Variants in RIMBP2 observed in about 807,000 individuals in gnomAD.
The protein encoded by RIMBP2 is RIMS-binding protein 2.
RIMBP2 carries 48 observed loss-of-function variants against 118.6 expected under a neutral mutation model. The observed-to-expected ratio is 0.40, with a 90% CI of 0.32 to 0.51. The LOEUF is 0.51. Among genes scored for constraint, RIMBP2 ranks in the 20% least tolerant of loss-of-function variants. RIMBP2 has a pLI of 0.41. For missense variants in RIMBP2, 1,551 were observed against 1,768.3 expected, an observed-to-expected ratio of 0.88 and a Z score of 2.20; for synonymous variants, 762 against 742.9, an observed-to-expected ratio of 1.03 and a Z score of -0.42.
At chr12:130,657,056 A>G (rs528173030) in intron 1 of RIMBP2, among the ~76,000 whole-genome samples, 1 of 152,134 alleles carries the variant, frequency 6.6e-6, no homozygotes, top group Non-Finnish European at 1.5e-5. Context: ...CACCATGCCT[A>G]CTATTTTTTT....
At chr12:130,444,077 G>C (rs1450699565) in intron 10 of RIMBP2, among the ~76,000 whole-genome samples, 1 of 152,220 alleles carries the variant, frequency 6.6e-6, no homozygotes, top group Non-Finnish European at 1.5e-5. Context: ...TGGGCTCCAT[G>C]TGTGGTGAGA....
chr12:130,449,168 G>A (rs1382529114), intron 9 of RIMBP2, among the ~76,000 whole-genome samples: 2 of 152,232 alleles, frequency 1.3e-5, no homozygotes, highest in Non-Finnish European at 2.9e-5. Flanking sequence ...GAGCATCTGT[G>A]AGACAAAAGG....
intron 1 of RIMBP2, among the ~76,000 whole-genome samples, chr12:130,678,035 C>T (rs1300585433): frequency 2.0e-5 from 3 of 152,214 alleles, no homozygotes; most frequent in African/African-American, 7.2e-5. Flanking sequence ...TTCTTCTTGG[C>T]AGAACAAAGG....
At chr12:130,612,578 G>T (rs2060624104) in intron 2 of RIMBP2, among the ~76,000 whole-genome samples, 1 of 152,166 alleles carries the variant, frequency 6.6e-6, no homozygotes, top group African/African-American at 2.4e-5. Context: ...GGAAAATGGT[G>T]TTTTTTAAAA....
Position 130,422,438 on chromosome 12 carries a change from G to A in RIMBP2, c.3238+15C>T, listed in dbSNP as rs1240180552. 1.3e-6 allele frequency: 2 copies of A among 1,571,892 alleles called. No homozygotes were observed. Among genetic ancestry groups the A allele is most frequent in the Non-Finnish European group, 1.7e-6 (2 of 1,143,592 alleles). ...CGCGGCTGAAAGACACAACAGCGAT[G>A]ATGGGGCCACTAACCGATGGATGGG... On this transcript the variant is annotated intron_variant, in intron 17 of 22. Transcript: ENST00000690449. The surrounding 1 kb of genome is among the most constrained non-coding windows in gnomAD (Gnocchi z 5.2).
chr12:130,521,794 C>T (rs988071118), intron 2 of RIMBP2, among the ~76,000 whole-genome samples: 1 of 152,222 alleles, frequency 6.6e-6, no homozygotes, highest in African/African-American at 2.4e-5. Flanking sequence ...ACCCAGCTTC[C>T]AGATATCTTC....
chr12:130,651,391 G>C (rs545873124), intron 1 of RIMBP2: 2 of 152,290 alleles, frequency 1.3e-5, no homozygotes, highest in Non-Finnish European at 2.9e-5. Flanking sequence ...TCAACATCTC[G>C]GAGTTCTTCC....
intron 12 of RIMBP2, 30 bp downstream of exon 12, chr12:130,438,335 A>ACGGGGGGCCCCCCCCC: frequency 1.2e-6 from 1 of 865,012 alleles, no homozygotes; most frequent in Non-Finnish European, 1.9e-6. Context: ...GGCCTAACAA[A>ACGGGGGGCCCCCCCCC]CCCTCCCCAC....
chr12:130,478,061 T>A (rs2081595702), intron 5 of RIMBP2, among the ~76,000 whole-genome samples: 1 of 152,168 alleles, frequency 6.6e-6, no homozygotes, highest in Admixed American at 6.5e-5. Context: ...CTCCTACCTA[T>A]CTGGAGAGAG....
In RIMBP2 at chr12:130,621,978, C is replaced by T. The variant is rs892225619; in HGVS notation, c.-217+6344G>A. The stretch of plus-strand genomic sequence containing the variant: ...AGTATCAACAGAGCCCATTCCACGT[C>T]GACTTGTCTACTTTAAAAAATAATA... On this transcript the variant is annotated intron_variant, in intron 2 of 22. Transcript: ENST00000690449. This position sits in a 1 kb window ranked among gnomAD's most constrained non-coding sequence, Gnocchi z 6.6. Among the ~76,000 whole-genome samples, 16 of 152,108 alleles carry T rather than the reference C, an allele frequency of 1.1e-4. No individual in the cohort carries two copies. The highest frequency in any genetic ancestry group is 3.4e-4 in the African/African-American group (14 of 41,426).
chr12:130,484,891 T>C (rs984447970), intron 4 of RIMBP2, among the ~76,000 whole-genome samples: 4 of 152,264 alleles, frequency 2.6e-5, no homozygotes, highest in African/African-American at 4.8e-5. Flanking sequence ...CTCCATGTTC[T>C]TCTTTTGGAT....
intron 1 of RIMBP2, among the ~76,000 whole-genome samples, chr12:130,657,613 G>A (rs2063482931): frequency 6.6e-6 from 1 of 152,144 alleles, no homozygotes; most frequent in African/African-American, 2.4e-5. Flanking sequence ...GAAGTGACCC[G>A]CAGAAGGGCT....
intron 4 of RIMBP2, among the ~76,000 whole-genome samples, chr12:130,490,215 G>C (rs2048512392): frequency 6.6e-6 from 1 of 151,674 alleles, no homozygotes; most frequent in Middle Eastern, 3.4e-3. Context: ...TGTTGCAACT[G>C]GACTCAAACC....
rs138967663 is a variant in RIMBP2 at position 130,479,010 on chromosome 12, G to A, written c.4C>T (p.Arg2Ter). The A allele has an allele frequency of 1.2e-6, 2 of 1,613,034 alleles. No individual in the cohort carries two copies. Among genetic ancestry groups the A allele is most frequent in the African/African-American group, 1.3e-5 (1 of 74,928 alleles). Residue 2 changes from arginine to a stop codon, truncating the protein, a stop_gained, in exon 5 of 23, where the codon CGA becomes TGA. Transcript: ENST00000690449. LOFTEE classifies it high-confidence loss of function. The part of the protein sequence containing the change: M[R>*]EAAERRQQLQ... ...TGCTGCCGCCGTTCAGCCGCCTCTCGCATATGCTGTGGGGACAGAGAGAGG... is the reference window on the plus strand; with the variant it reads ...TGCTGCCGCCGTTCAGCCGCCTCTCACATATGCTGTGGGGACAGAGAGAGG...
At chr12:130,649,983 G>A (rs36003971) in intron 1 of RIMBP2, among the ~76,000 whole-genome samples, 9,493 of 151,924 alleles carry the variant, frequency 0.062, 367 homozygotes, top group Non-Finnish European at 0.089. Context: ...CAAGCGGTAC[G>A]AGACTCTCAG....
At chr12:130,451,994 T>A (rs549005894) in intron 7 of RIMBP2, among the ~76,000 whole-genome samples, 1 of 152,286 alleles carries the variant, frequency 6.6e-6, no homozygotes, top group African/African-American at 2.4e-5. Flanking sequence ...CGTCCTATCC[T>A]CCTGGGGTCT....
chr12:130,568,388 T>A lies in RIMBP2; in HGVS notation c.-216-50471A>T, dbSNP rs374528541. Among the ~76,000 whole-genome samples, 4 of 152,226 alleles carry A rather than the reference T, an allele frequency of 2.6e-5. No homozygotes were observed. The East Asian group carries it at 7.7e-4, about 29-fold the overall frequency. ...GTTCCCAGGAATCCAGATCTAACAG[T>A]CTGGCTGGATCAGTGGTAACCCTAA... On this transcript the variant is annotated intron_variant, in intron 2 of 22. Coordinates refer to ENST00000690449, the MANE Select transcript of RIMBP2 (RefSeq NM_001393629.1).
In RIMBP2 at chr12:130,406,213, T is replaced by C. The variant is rs1161281425; in HGVS notation, c.3724A>G (p.Ile1242Val). Residue 1242 changes from isoleucine (I) to valine (V), a missense_variant, in exon 21 of 23, where the codon ATT becomes GTT. Physicochemically the swap from Ile to Val is conservative, Grantham distance 29. Coordinates refer to ENST00000690449, the MANE Select transcript of RIMBP2 (RefSeq NM_001393629.1). ...TCATCAATTTCACCAAAAACTGTAA[T>C]AATATCTCCTGTGCAAAATGTAAGT... Reference protein sequence around the residue: ...AELTFCTGDIITVFGEIDEDG... With the variant: ...AELTFCTGDIVTVFGEIDEDG... The C allele has an allele frequency of 6.2e-7, 1 of 1,604,470 alleles. No homozygotes were observed. Among genetic ancestry groups the C allele is most frequent in the Non-Finnish European group, 8.5e-7 (1 of 1,173,142 alleles).
rs942531924 is a variant in RIMBP2 at position 130,683,779 on chromosome 12, T to C, written c.-352+32443A>G. ...AATGTCAGGAAGTTACCCTATATGGTCTAGAAAGGGGAGGTAAGAATAATC... is the reference window on the plus strand; with the variant it reads ...AATGTCAGGAAGTTACCCTATATGGCCTAGAAAGGGGAGGTAAGAATAATC... On this transcript the variant is annotated intron_variant, in intron 1 of 22. Coordinates refer to ENST00000690449, the MANE Select transcript of RIMBP2 (RefSeq NM_001393629.1). This position sits in a 1 kb window ranked among gnomAD's most constrained non-coding sequence, Gnocchi z 4.4. Among the ~76,000 whole-genome samples, 1 of 152,168 alleles carries C rather than the reference T, an allele frequency of 6.6e-6. No homozygotes were observed. The highest frequency in any genetic ancestry group is 2.4e-5 in the African/African-American group (1 of 41,426).
Sources: gnomAD v4.1 joint callset for allele counts (sites outside exome capture counted in the v4.1 genomes callset) on GRCh38, gnomAD v4.1.1 for gene constraint, Gnocchi (gnomAD v3.1) non-coding constraint, MANE v1.5 for transcripts, NCBI Gene and HGNC (gene_info 2026-07-23, HGNC 2026-07-21) for gene names.